SEPTIN1: variants seen among roughly 807,000 people sequenced by gnomAD.
SEPTIN1 encodes the protein septin 1.
SEPTIN1 carries 52 observed loss-of-function variants against 50.7 expected under a neutral mutation model. The ratio of observed to expected loss-of-function variants is 1.03; its 90% CI spans 0.82 to 1.29. The LOEUF is 1.29. Ranked by LOEUF, SEPTIN1 falls within the 50% of genes most tolerant of loss-of-function variation. The pLI is 0.00. For missense variants in SEPTIN1, 455 were observed against 490.7 expected, an observed-to-expected ratio of 0.93 and a Z score of 0.69; for synonymous variants, 204 against 189.1, an observed-to-expected ratio of 1.08 and a Z score of -0.65.
Position 30,378,363 on chromosome 16 carries a change from T to G in SEPTIN1, c.*71A>C. 3.6e-6 allele frequency: 5 copies of G among 1,381,702 alleles called. No individual in the cohort carries two copies. Among genetic ancestry groups the G allele is most frequent in the Non-Finnish European group, 4.8e-6 (5 of 1,032,494 alleles). 85.6% of individuals were successfully genotyped at this position (1,381,702 alleles called of 1,614,324 possible). On this transcript the variant is annotated 3_prime_UTR_variant, in exon 11 of 11. Transcript: ENST00000321367. ...GGAGGTCCCGGGGGGCGCTGGGCAG[T>G]GTGGGGCGCGGGGATTGGACAAGAG...
At position 30,382,017 on chromosome 16, in the gene SEPTIN1, A is replaced by T. The variant is rs1042858926; in HGVS notation, c.196+76T>A. 30 of 1,598,484 alleles carry T rather than the reference A, an allele frequency of 1.9e-5. No individual in the cohort carries two copies. Among genetic ancestry groups the T allele is most frequent in the Non-Finnish European group, 2.3e-5 (27 of 1,168,366 alleles). On this transcript the variant is annotated intron_variant, in intron 3 of 10. Coordinates refer to ENST00000321367, the MANE Select transcript of SEPTIN1 (RefSeq NM_001365977.2). This position sits in a 1 kb window ranked among gnomAD's most constrained non-coding sequence, Gnocchi z 4.8. ...CAGAAAAAAAGCAGTCAACTACCTG[A>T]GTCCCCAGATGGAAAAGACTAGGGT...
rs199803502 is a variant in SEPTIN1, at chr16:30,378,436, A to T, written c.1117T>A (p.Ter373ArgextTer95). ...GTAAGGCCGGGCGGGGCGTGGCCTCAGAGGGCGTCTGACTGCTCGCCCTGG... is the reference window on the plus strand; with the variant it reads ...GTAAGGCCGGGCGGGGCGTGGCCTCTGAGGGCGTCTGACTGCTCGCCCTGG... ...QAQGEQSDAL[*>R] The change falls in exon 11 of 11, where the codon TGA (stop) becomes AGA (arginine). Residue 373 changes from the stop codon to arginine, a stop_lost. Transcript: ENST00000321367. 390 of 1,569,404 alleles carry T rather than the reference A, an allele frequency of 2.5e-4. 1 individual carries two copies. The highest frequency in any genetic ancestry group is 2.0e-3 in the East Asian group (87 of 44,186).
Position 30,381,095 on chromosome 16 carries a change from T to C in SEPTIN1, c.573+32A>G, listed in dbSNP as rs771002222. 3.9e-6 allele frequency: 6 copies of C among 1,543,292 alleles called. No homozygotes were observed. The highest frequency in any genetic ancestry group is 2.2e-5 in the East Asian group (1 of 44,562). On this transcript the variant is annotated intron_variant, in intron 6 of 10. Coordinates refer to ENST00000321367, the MANE Select transcript of SEPTIN1 (RefSeq NM_001365977.2). This position sits in a 1 kb window ranked among gnomAD's most constrained non-coding sequence, Gnocchi z 4.3. ...AGCTGAAATCAGGTTTGGCTTCACA[T>C]GGGGTCAAAGGTCAGAGGTCATCAC...
chr16:30,382,533 C>A lies in SEPTIN1; in HGVS notation c.10G>T (p.Gly4Ter), dbSNP rs374954816. ...TGGGTGTAAGGACTCACCATGACTC[C>A]GCCAGCCATCACTGCACCTGCCGTC... MAG[G>*]VMDKEYVGFA... The change falls in exon 1 of 11, where the codon GGA becomes TGA. Residue 4 changes from glycine (G) to a stop codon, truncating the protein, a stop_gained. Coordinates refer to ENST00000321367, the MANE Select transcript of SEPTIN1 (RefSeq NM_001365977.2). LOFTEE classifies it high-confidence loss of function. This position sits in a 1 kb window ranked among gnomAD's most constrained non-coding sequence, Gnocchi z 4.8. 1 of 1,590,806 alleles carries A rather than the reference C, an allele frequency of 6.3e-7. No homozygotes were observed. Among genetic ancestry groups the A allele is most frequent in the South Asian group, 1.1e-5 (1 of 87,886 alleles).
chr16:30,378,948 A>C, intron 9 of SEPTIN1, 70 bp downstream of exon 9: 6 of 1,489,962 alleles, frequency 4.0e-6, no homozygotes, highest in Non-Finnish European at 5.5e-6. Flanking sequence ...GGTGGGGACG[A>C]GTCCTCAGGG....
Position 30,378,654 on chromosome 16 carries a change from G to T in SEPTIN1, c.988C>A (p.Pro330Thr). The change falls in exon 10 of 11, where the codon CCT becomes ACT. Residue 330 changes from proline to threonine, a missense_variant. Physicochemically the swap from Pro to Thr is conservative, Grantham distance 38. Transcript: ENST00000321367. The part of the protein sequence containing the change: ...SATEIPLPML[P>T]LADTEKLIRE... ...ATCAGCTTCTCGGTGTCCGCCAGAG[G>T]CAGCATGGGCAGCGGGATCTCTGTG... 2 of 1,609,638 alleles carry T rather than the reference G, an allele frequency of 1.2e-6. No individual in the cohort carries two copies.
At chr16:30,378,965 C>T (rs2049797424) in intron 9 of SEPTIN1, 53 bp downstream of exon 9, 2 of 1,570,898 alleles carry the variant, frequency 1.3e-6, no homozygotes, top group African/African-American at 1.4e-5. Context: ...AGGGCGGGGT[C>T]ATGGGTGAGG....
Position 30,381,607 on chromosome 16 carries a change from C to T in SEPTIN1, c.321-134G>A, listed in dbSNP as rs2049850188. 6.9e-7 allele frequency: 1 copy of T among 1,454,088 alleles called. No individual in the cohort carries two copies. The highest frequency in any genetic ancestry group is 1.3e-5 in the South Asian group (1 of 78,466). The allele number at this position is 1,454,088 out of a possible 1,614,324, so 90.1% of individuals were successfully genotyped here. ...GACATTAAGGGGAACTGGTGGGGGC[C>T]TAGGTGAGTCATCAAGAAGCACAGG... On this transcript the variant is annotated intron_variant, in intron 4 of 10. Coordinates refer to ENST00000321367, the MANE Select transcript of SEPTIN1 (RefSeq NM_001365977.2). The surrounding 1 kb of genome is among the most constrained non-coding windows in gnomAD (Gnocchi z 4.3).
In SEPTIN1 at chr16:30,378,145, A is replaced by G; in HGVS notation, c.*289T>C. On this transcript the variant is annotated 3_prime_UTR_variant, in exon 11 of 11. Coordinates refer to ENST00000321367, the MANE Select transcript of SEPTIN1 (RefSeq NM_001365977.2). ...AGGAGAAGGCTCGCGTGGCCGCGGG[A>G]AGCTCAGTTTTTATTGAAGACAGAG... 1 of 718,348 alleles carries G rather than the reference A, an allele frequency of 1.4e-6. No homozygotes were observed. The highest frequency in any genetic ancestry group is 2.5e-6 in the Non-Finnish European group (1 of 402,706). 44.5% of individuals were successfully genotyped at this position (718,348 alleles called of 1,614,324 possible). A position where few individuals can be genotyped will look rare whatever the true frequency, so the allele number is the denominator to read the frequency against.
rs1482816975 is a variant in SEPTIN1 at position 30,381,222 on chromosome 16, A to G, written c.478T>C (p.Phe160Leu). The G allele has an allele frequency of 1.2e-6, 2 of 1,613,908 alleles. No individual in the cohort carries two copies. Among genetic ancestry groups the G allele is most frequent in the Non-Finnish European group, 1.7e-6 (2 of 1,179,982 alleles). The change falls in exon 6 of 11, where the codon TTC becomes CTC. Residue 160 changes from phenylalanine to leucine, a missense_variant. Transcript: ENST00000321367. This position sits in a 1 kb window ranked among gnomAD's most constrained non-coding sequence, Gnocchi z 4.3. ...GRGLRPLDVAFLRAVHEKVNI... is the reference protein window; with the variant it reads ...GRGLRPLDVALLRAVHEKVNI... Reference sequence around the variant, plus strand: ...ACTTTCTCGTGTACTGCCCGGAGGAAGGCCACATCTAGGGGCCGGAGCCTG... The same window carrying G: ...ACTTTCTCGTGTACTGCCCGGAGGAGGGCCACATCTAGGGGCCGGAGCCTG...
Position 30,381,295 on chromosome 16 carries a change from A to G in SEPTIN1, c.455+44T>C. On this transcript the variant is annotated intron_variant, in intron 5 of 10. Transcript: ENST00000321367. The surrounding 1 kb of genome is among the most constrained non-coding windows in gnomAD (Gnocchi z 4.3). ...CAGCCTCAGGGGGCAGAGACCCCCC[A>G]GCCCTCCCTAAATGCGCCAGCCCCC... 2 of 1,044,266 alleles carry G rather than the reference A, an allele frequency of 1.9e-6. No homozygotes were observed. The highest frequency in any genetic ancestry group is 1.4e-5 in the South Asian group (1 of 73,996). The allele number at this position is 1,044,266 out of a possible 1,614,324, so 64.7% of individuals were successfully genotyped here.
In SEPTIN1 at chr16:30,381,685, C is replaced by G. The variant is rs1227790787; in HGVS notation, c.320+75G>C. 2 of 1,584,102 alleles carry G rather than the reference C, an allele frequency of 1.3e-6. No homozygotes were observed. Among genetic ancestry groups the G allele is most frequent in the South Asian group, 1.2e-5 (1 of 86,738 alleles). ...CACCTTTTGAGATAGGGAGCCAGCACAAACCAGTCCTGTAACTCTCCAGGG... is the reference window on the plus strand; with the variant it reads ...CACCTTTTGAGATAGGGAGCCAGCAGAAACCAGTCCTGTAACTCTCCAGGG... On this transcript the variant is annotated intron_variant, in intron 4 of 10. Transcript: ENST00000321367. The surrounding 1 kb of genome is among the most constrained non-coding windows in gnomAD (Gnocchi z 4.3).
chr16:30,379,626 TC>T (rs1297970149), intron 7 of SEPTIN1, 92 bp from the exon 8 acceptor site: 1 of 575,086 alleles, frequency 1.7e-6, no homozygotes, highest in Non-Finnish European at 3.0e-6. Flanking sequence ...CTCCTCTGCT[TC>T]CTGCCCCTTC....
chr16:30,381,448 C>G lies in SEPTIN1; in HGVS notation c.346G>C (p.Glu116Gln), dbSNP rs368818440. 2 of 1,613,952 alleles carry G rather than the reference C, an allele frequency of 1.2e-6. No individual in the cohort carries two copies. Among genetic ancestry groups the G allele is most frequent in the South Asian group, 1.1e-5 (1 of 91,068 alleles). The stretch of plus-strand genomic sequence containing the variant: ...CTAAGGTACTGCTCAAATTGCTCCT[C>G]GATGAATTTCACCACCGGAAGCCAG... ...DCWLPVVKFI[E>Q]EQFEQYLRDE... is the part of the protein sequence containing the mutation. The change falls in exon 5 of 11, where the codon GAG (glutamate) becomes CAG (glutamine). Residue 116 changes from glutamate (E) to glutamine (Q), a missense_variant. Glu to Gln is a conservative substitution (Grantham distance 29). Transcript: ENST00000321367. This position sits in a 1 kb window ranked among gnomAD's most constrained non-coding sequence, Gnocchi z 4.3.
chr16:30,380,778 A>G (rs4247355), intron 6 of SEPTIN1: 188,693 of 268,714 alleles, frequency 0.7, 67,753 homozygotes, highest in East Asian at 0.91. Context: ...TAAAAAAAAA[A>G]AGAGAGAGAA....
chr16:30,382,791 T>G, upstream of SEPTIN1: 1 of 1,535,642 alleles, frequency 6.5e-7, no homozygotes, highest in South Asian at 1.2e-5. The surrounding 1 kb of genome is among the most constrained non-coding windows in gnomAD (Gnocchi z 4.8). Context: ...AGCTCCATCA[T>G]CGTGGTGAGA....
At position 30,381,922 on chromosome 16, in the gene SEPTIN1, C is replaced by G; in HGVS notation, c.197-39G>C. ...GAGAGGTCAGGGATCCGGGGAGGCT[C>G]TGAGGCAGAATTAATTTCCTTTGTC... On this transcript the variant is annotated intron_variant, in intron 3 of 10. Transcript: ENST00000321367. The surrounding 1 kb of genome is among the most constrained non-coding windows in gnomAD (Gnocchi z 4.3). The G allele has an allele frequency of 1.9e-6, 3 of 1,612,346 alleles. No individual in the cohort carries two copies. The highest frequency in any genetic ancestry group is 2.5e-6 in the Non-Finnish European group (3 of 1,179,204).
Position 30,381,905 on chromosome 16 carries a change from A to G in SEPTIN1, c.197-22T>C, listed in dbSNP as rs1295483395. On this transcript the variant is annotated intron_variant, in intron 3 of 10. Coordinates refer to ENST00000321367, the MANE Select transcript of SEPTIN1 (RefSeq NM_001365977.2). This position sits in a 1 kb window ranked among gnomAD's most constrained non-coding sequence, Gnocchi z 4.3. Reference sequence around the variant, plus strand: ...CGAGCTGTGGGATGGGGGAGAGGTCAGGGATCCGGGGAGGCTCTGAGGCAG... The same window carrying G: ...CGAGCTGTGGGATGGGGGAGAGGTCGGGGATCCGGGGAGGCTCTGAGGCAG... The G allele has an allele frequency of 3.1e-6, 5 of 1,613,818 alleles. No individual in the cohort carries two copies. The highest frequency in any genetic ancestry group is 4.2e-6 in the Non-Finnish European group (5 of 1,179,890).
rs780625170 is a variant in SEPTIN1 at position 30,379,403 on chromosome 16, T to C, written c.775+32A>G. The C allele has an allele frequency of 6.0e-5, 95 of 1,584,436 alleles. 1 individual carries two copies. In the Admixed American group the frequency reaches 1.6e-3, roughly 26 times the overall value. On this transcript the variant is annotated intron_variant, in intron 8 of 10. Coordinates refer to ENST00000321367, the MANE Select transcript of SEPTIN1 (RefSeq NM_001365977.2). ...GACCCAGAGGCCCCGGGCTCCCTGC[T>C]GGCCTTAGGACCCCTGCCTGGCCTC...
Sources: gnomAD v4.1 joint callset for allele counts on GRCh38, gnomAD v4.1.1 for gene constraint, Gnocchi (gnomAD v3.1) non-coding constraint, MANE v1.5 for transcripts, NCBI Gene and HGNC (gene_info 2026-07-23, HGNC 2026-07-21) for gene names.